CACNA2D3: variants seen among roughly 807,000 people sequenced by gnomAD.
CACNA2D3 encodes the protein voltage-dependent calcium channel subunit alpha-2/delta-3.
A neutral mutation model predicts 160.6 loss-of-function variants in CACNA2D3; 60 were observed. The ratio of observed to expected loss-of-function variants is 0.37; its 90% CI spans 0.30 to 0.46. CACNA2D3 has a LOEUF of 0.46. Ranked by LOEUF, CACNA2D3 falls within the 20% of genes least tolerant of loss-of-function variation. The pLI, the probability that CACNA2D3 is intolerant of heterozygous loss-of-function variation, is 1.00. For missense variants in CACNA2D3, 1,205 were observed against 1,365.0 expected (o/e 0.88, Z 1.85); for synonymous variants, 558 against 492.9 (o/e 1.13, Z -1.75).
At chr3:54,838,771 T>TTAGC in intron 16 of CACNA2D3, 123 bp downstream of exon 16, 1 of 735,698 alleles carries the variant, frequency 1.4e-6, no homozygotes, top group Non-Finnish European at 2.4e-6. Flanking sequence ...TTACAGCCTG[T>TTAGC]TAGCTTGTCT....
rs140795227 is a variant in CACNA2D3, at chr3:54,304,885, G to A, written c.205-15557G>A. Among the ~76,000 whole-genome samples, 321 of 151,780 alleles carry A rather than the reference G, an allele frequency of 2.1e-3. 4 individuals are homozygous for A. The highest frequency in any genetic ancestry group is 7.2e-3 in the African/African-American group (297 of 41,422). On this transcript the variant is annotated intron_variant, in intron 2 of 37. Coordinates refer to ENST00000474759, the MANE Select transcript of CACNA2D3 (RefSeq NM_018398.3). ...CATACCCAGGCACGATTGGAATTTT[G>A]TTGTGGTTCCTCCGAGCATCTTTTG...
intron 5 of CACNA2D3, among the ~76,000 whole-genome samples, chr3:54,542,936 T>G (rs899866621): frequency 7.2e-5 from 11 of 152,164 alleles, no homozygotes; most frequent in Admixed American, 5.9e-4. Context: ...CAAGAGAGAA[T>G]GAGGTTTGGG....
chr3:54,618,374 T>TATATATATATATACACACACAC, intron 9 of CACNA2D3, among the ~76,000 whole-genome samples: 2 of 54,588 alleles, frequency 3.7e-5, no homozygotes, highest in Non-Finnish European at 6.1e-5. Flanking sequence ...TATATATATA[T>TATATATATATATACACACACAC]GCACACACAC....
chr3:54,492,398 C>T (rs781376008), intron 4 of CACNA2D3, among the ~76,000 whole-genome samples: 2 of 152,190 alleles, frequency 1.3e-5, no homozygotes, highest in African/African-American at 2.4e-5. Flanking sequence ...AAATCTGTGA[C>T]AGAAGCTGTG....
intron 11 of CACNA2D3, among the ~76,000 whole-genome samples, chr3:54,709,750 C>A (rs1248338255): frequency 6.6e-6 from 1 of 152,062 alleles, no homozygotes; most frequent in Admixed American, 6.6e-5. Context: ...CATAGCGAGA[C>A]CCTATCCATA....
rs531059936 is a variant in CACNA2D3, at chr3:54,868,126, A to G, written c.1627-3413A>G. Reference sequence around the variant, plus strand: ...AGAGGTAGGTGGATTTAGGCTTAGTACATTAGAGTTGTCTCATAGCTCTTG... The same window carrying G: ...AGAGGTAGGTGGATTTAGGCTTAGTGCATTAGAGTTGTCTCATAGCTCTTG... On this transcript the variant is annotated intron_variant, in intron 17 of 37. Coordinates refer to ENST00000474759, the MANE Select transcript of CACNA2D3 (RefSeq NM_018398.3). 3.3e-5 allele frequency among the ~76,000 whole-genome samples: 5 copies of G among 152,340 alleles called. 1 individual carries two copies. Among genetic ancestry groups the G allele is most frequent in the African/African-American group, 1.2e-4 (5 of 41,580 alleles).
At chr3:54,476,413 A>T (rs1455270536) in intron 4 of CACNA2D3, among the ~76,000 whole-genome samples, 1 of 151,872 alleles carries the variant, frequency 6.6e-6, no homozygotes, top group Non-Finnish European at 1.5e-5. Flanking sequence ...CTCCCTTTTG[A>T]TATACACCCA....
rs142498519 is a variant in CACNA2D3, at chr3:54,268,706, G to C, written c.205-51736G>C. Among the ~76,000 whole-genome samples, 49 of 152,306 alleles carry C rather than the reference G, an allele frequency of 3.2e-4. No individual in the cohort carries two copies. In the East Asian group the frequency reaches 9.1e-3, roughly 28 times the overall value. On this transcript the variant is annotated intron_variant, in intron 2 of 37. Coordinates refer to ENST00000474759, the MANE Select transcript of CACNA2D3 (RefSeq NM_018398.3). The stretch of plus-strand genomic sequence containing the variant: ...TTACAGGTGTAAGCCACCGTGCCCA[G>C]CTGTCACTATTTTAGAGATGAGAAA...
chr3:54,371,265 TG>T (rs910621417), intron 3 of CACNA2D3, among the ~76,000 whole-genome samples: 2 of 152,188 alleles, frequency 1.3e-5, no homozygotes, highest in African/African-American at 4.8e-5. Flanking sequence ...TGGTAACTCT[TG>T]TATTTAACCT....
rs1307262193 is a variant in CACNA2D3 at position 55,074,475 on chromosome 3, T to TAGGCAGTGTCCCTTCTGCTTGAAACC, written c.*270_*295dup. The TAGGCAGTGTCCCTTCTGCTTGAAACC allele has an allele frequency of 8.6e-6, 4 of 462,808 alleles. No homozygotes were observed. Among genetic ancestry groups the TAGGCAGTGTCCCTTCTGCTTGAAACC allele is most frequent in the Non-Finnish European group, 1.6e-5 (4 of 257,002 alleles). The allele number at this position is 462,808 out of a possible 1,614,324, so 28.7% of individuals were successfully genotyped here. On this transcript the variant is annotated 3_prime_UTR_variant, in exon 38 of 38. Coordinates refer to ENST00000474759, the MANE Select transcript of CACNA2D3 (RefSeq NM_018398.3). Reference sequence around the variant, plus strand: ...TCATCAGAAATGGGACCGCAAGTGGTAGGCAGTGTCCCTTCTGCTTGAAAC... The same window carrying TAGGCAGTGTCCCTTCTGCTTGAAACC: ...TCATCAGAAATGGGACCGCAAGTGGTAGGCAGTGTCCCTTCTGCTTGAAACCAGGCAGTGTCCCTTCTGCTTGAAAC...
At chr3:54,830,381 T>C (rs543926967) in intron 14 of CACNA2D3, among the ~76,000 whole-genome samples, 2 of 152,306 alleles carry the variant, frequency 1.3e-5, no homozygotes, top group Admixed American at 1.3e-4. Flanking sequence ...TCAGACCTAA[T>C]TGTTGATAAC....
In CACNA2D3 at chr3:54,379,906, C is replaced by T. The variant is rs149221072; in HGVS notation, c.322-6809C>T. 1.3e-3 allele frequency among the ~76,000 whole-genome samples: 196 copies of T among 151,868 alleles called. 2 individuals are homozygous for T. Among genetic ancestry groups the T allele is most frequent in the African/African-American group, 4.2e-3 (173 of 41,528 alleles). On this transcript the variant is annotated intron_variant, in intron 3 of 37. Transcript: ENST00000474759. Reference sequence around the variant, plus strand: ...CCTCACTATTCTGTAAACCATCTTACGTTTTTTTCATGGATCACTGGTGGT... The same window carrying T: ...CCTCACTATTCTGTAAACCATCTTATGTTTTTTTCATGGATCACTGGTGGT...
At chr3:54,833,602 A>G (rs1703926418) in intron 14 of CACNA2D3, among the ~76,000 whole-genome samples, 1 of 151,928 alleles carries the variant, frequency 6.6e-6, no homozygotes, top group Non-Finnish European at 1.5e-5. Flanking sequence ...AAAAAAAAAC[A>G]AAACTTGCCA....
At chr3:54,704,535 T>G (rs1700822222) in intron 11 of CACNA2D3, among the ~76,000 whole-genome samples, 1 of 152,160 alleles carries the variant, frequency 6.6e-6, no homozygotes, top group African/African-American at 2.4e-5. Flanking sequence ...GTGAGCTGCA[T>G]GTCTTGATAA....
intron 14 of CACNA2D3, among the ~76,000 whole-genome samples, chr3:54,819,386 T>A (rs1248590731): frequency 1.3e-5 from 2 of 152,224 alleles, no homozygotes; most frequent in East Asian, 3.8e-4. Flanking sequence ...ACGACTTGGC[T>A]TGACTTGACC....
intron 3 of CACNA2D3, among the ~76,000 whole-genome samples, chr3:54,374,972 C>T (rs1374346983): frequency 6.6e-6 from 1 of 152,180 alleles, no homozygotes; most frequent in Non-Finnish European, 1.5e-5. Context: ...ACATAATCTT[C>T]ATATGCCAAG....
At chr3:54,358,223 A>G (rs1379503051) in intron 3 of CACNA2D3, among the ~76,000 whole-genome samples, 1 of 152,244 alleles carries the variant, frequency 6.6e-6, no homozygotes, top group Non-Finnish European at 1.5e-5. Context: ...ACTCCAAAAT[A>G]TAAAATTAAT....
chr3:54,542,417 A>G (rs1374565116), intron 5 of CACNA2D3, among the ~76,000 whole-genome samples: 1 of 152,184 alleles, frequency 6.6e-6, no homozygotes, highest in African/African-American at 2.4e-5. Flanking sequence ...AAGTCCCACA[A>G]TGGACCATCT....
chr3:54,500,803 T>G (rs533920307), intron 4 of CACNA2D3, among the ~76,000 whole-genome samples: 30 of 152,184 alleles, frequency 2.0e-4, no homozygotes, highest in Non-Finnish European at 3.8e-4. Context: ...CTTACACTAC[T>G]TCATCTGTAG....
Sources: allele counts gnomAD v4.1 joint callset (sites outside exome capture counted in the v4.1 genomes callset), GRCh38; gene constraint gnomAD v4.1.1; transcripts MANE v1.5; gene names NCBI Gene and HGNC (gene_info 2026-07-23, HGNC 2026-07-21).